The following RBFOX1 variants were observed in gnomAD, a reference collection of about 807,000 sequenced individuals.
The protein encoded by RBFOX1 is RNA binding fox-1 homolog 1, also known as RNA binding protein fox-1 homolog 1.
Under a neutral mutation model 57.7 loss-of-function variants are expected in RBFOX1, and 8 were observed. That is an observed-to-expected ratio of 0.14 (90% confidence interval 0.08 to 0.25). RBFOX1 has a LOEUF of 0.25. RBFOX1 is among the 10% of genes least tolerant of loss of function. The pLI is 1.00. For synonymous variants in RBFOX1, 326 were observed against 222.4 expected, an observed-to-expected ratio of 1.47 and a Z score of -4.15; for missense variants, 611 against 548.5, an observed-to-expected ratio of 1.11 and a Z score of -1.14.
At chr16:6,377,573 A>G (rs1241843214) in intron 2 of RBFOX1, among the ~76,000 whole-genome samples, 1 of 152,196 alleles carries the variant, frequency 6.6e-6, no homozygotes, top group Admixed American at 6.5e-5. Context: ...CATGCACTTC[A>G]GTGGAATTTG....
intron 11 of RBFOX1, among the ~76,000 whole-genome samples, chr16:7,636,908 G>A (rs575076645): frequency 6.6e-6 from 1 of 152,260 alleles, no homozygotes; most frequent in East Asian, 1.9e-4. Flanking sequence ...TGAATCTTAT[G>A]AAGGGCCCAC....
intron 1 of RBFOX1, among the ~76,000 whole-genome samples, chr16:6,199,715 T>A (rs1166298268): frequency 6.6e-6 from 1 of 152,152 alleles, no homozygotes; most frequent in Non-Finnish European, 1.5e-5. Flanking sequence ...GGGTAGCAGA[T>A]GAGTTTTATC....
intron 3 of RBFOX1, among the ~76,000 whole-genome samples, chr16:6,656,047 A>G (rs1274708606): frequency 6.6e-6 from 1 of 152,216 alleles, no homozygotes; most frequent in African/African-American, 2.4e-5. Flanking sequence ...TTTGCTGGCA[A>G]AGGAATTTCA....
intron 4 of RBFOX1, among the ~76,000 whole-genome samples, chr16:7,487,994 G>A (rs192624751): frequency 1.9e-3 from 283 of 152,224 alleles, no homozygotes; most frequent in African/African-American, 6.5e-3. Context: ...ACTCTGGAGC[G>A]TAGATTACAA....
chr16:5,401,248 G>A (rs189156992), intron 1 of RBFOX1, among the ~76,000 whole-genome samples: 34 of 152,290 alleles, frequency 2.2e-4, no homozygotes, highest in African/African-American at 8.2e-4. Context: ...TTCATTTTGT[G>A]TAGGTTTGAG....
chr16:5,298,131 C>T (rs79485957), intron 1 of RBFOX1, among the ~76,000 whole-genome samples: 2,876 of 152,228 alleles, frequency 0.019, 79 homozygotes, highest in African/African-American at 0.065. Flanking sequence ...GCAGCCACAC[C>T]TAAGTGCCCA....
At chr16:5,727,569 C>A (rs182164182) in intron 3 of RBFOX1, among the ~76,000 whole-genome samples, 1 of 152,136 alleles carries the variant, frequency 6.6e-6, no homozygotes, top group Non-Finnish European at 1.5e-5. Context: ...GATGTATATC[C>A]GGTCTCCAGA....
intron 2 of RBFOX1, among the ~76,000 whole-genome samples, chr16:6,632,793 C>A (rs949352798): frequency 6.6e-6 from 1 of 152,202 alleles, no homozygotes; most frequent in Non-Finnish European, 1.5e-5. Flanking sequence ...ACTTTATCAG[C>A]CTTGGCTCTT....
chr16:7,024,231 CAT>C (rs1284565933), intron 3 of RBFOX1, among the ~76,000 whole-genome samples: 1 of 152,162 alleles, frequency 6.6e-6, no homozygotes, highest in African/African-American at 2.4e-5. Context: ...CATTGGCACT[CAT>C]ATCGTGCTCT....
chr16:5,687,018 G>A (rs779115531), intron 3 of RBFOX1, among the ~76,000 whole-genome samples: 2 of 152,158 alleles, frequency 1.3e-5, no homozygotes, highest in African/African-American at 2.4e-5. Flanking sequence ...CCCATGCTGC[G>A]TTGGGATCTA....
intron 3 of RBFOX1, among the ~76,000 whole-genome samples, chr16:6,819,137 G>A (rs1027015258): frequency 2.0e-5 from 3 of 152,186 alleles, no homozygotes; most frequent in African/African-American, 2.4e-5. Flanking sequence ...GGCTATGGCA[G>A]TTTGTATCAT....
chr16:7,494,095 A>G lies in RBFOX1; in HGVS notation c.28-24052A>G, dbSNP rs373162812. On this transcript the variant is annotated intron_variant, in intron 4 of 15. Coordinates refer to ENST00000550418, the MANE Select transcript of RBFOX1 (RefSeq NM_018723.4). ...CTTAAACAGTATGTCATGAGTTAGC[A>G]ATGTCTAGTGGGGGAGCTATAATAG... Among the ~76,000 whole-genome samples the G allele has an allele frequency of 3.9e-4, 59 of 152,272 alleles. 1 individual carries two copies. Among genetic ancestry groups the G allele is most frequent in the African/African-American group, 1.4e-3 (58 of 41,558 alleles).
chr16:6,347,729 C>T (rs42426), intron 2 of RBFOX1, among the ~76,000 whole-genome samples: 33,500 of 152,146 alleles, frequency 0.22, 4,077 homozygotes, highest in Middle Eastern at 0.33. Flanking sequence ...TATCATAAGA[C>T]ACATTCACAG....
chr16:7,124,672 A>T (rs535113456), intron 4 of RBFOX1, among the ~76,000 whole-genome samples: 2 of 151,436 alleles, frequency 1.3e-5, no homozygotes, highest in African/African-American at 4.9e-5. Context: ...AAAAACGTGA[A>T]CCTCACAATA....
chr16:5,291,028 G>A (rs2063521222), intron 1 of RBFOX1, among the ~76,000 whole-genome samples: 1 of 152,150 alleles, frequency 6.6e-6, no homozygotes, highest in South Asian at 2.1e-4. Context: ...AGAAGTTTGT[G>A]TGGCTGAAGC....
At chr16:6,434,983 C>G (rs1356262256) in intron 2 of RBFOX1, among the ~76,000 whole-genome samples, 1 of 152,160 alleles carries the variant, frequency 6.6e-6, no homozygotes, top group Non-Finnish European at 1.5e-5. Flanking sequence ...CACAGCTGTT[C>G]CATTTATTAA....
At chr16:7,605,327 A>G (rs2095243085) in intron 9 of RBFOX1, among the ~76,000 whole-genome samples, 1 of 152,214 alleles carries the variant, frequency 6.6e-6, no homozygotes, top group Non-Finnish European at 1.5e-5. Flanking sequence ...GGGTGTCAGT[A>G]TGAAATTTCA....
chr16:7,308,589 T>C lies in RBFOX1; in HGVS notation c.28-209558T>C, dbSNP rs186158981. Among the ~76,000 whole-genome samples, 688 of 152,298 alleles carry C rather than the reference T, an allele frequency of 4.5e-3. 2 individuals are homozygous for C. The highest frequency in any genetic ancestry group is 0.016 in the African/African-American group (645 of 41,552). ...ACTTAATGATGATCCATGTGGTTTG[T>C]TTTAAGTAGTGAAGTGGTTTGTACA... On this transcript the variant is annotated intron_variant, in intron 4 of 15. Coordinates refer to ENST00000550418, the MANE Select transcript of RBFOX1 (RefSeq NM_018723.4).
chr16:5,305,575 C>A (rs905731996), intron 1 of RBFOX1, among the ~76,000 whole-genome samples: 3 of 152,142 alleles, frequency 2.0e-5, no homozygotes, highest in African/African-American at 7.2e-5. Context: ...TTTATCTAAT[C>A]TTCTCCATAT....
Sources: gnomAD v4.1 joint callset for allele counts (sites outside exome capture counted in the v4.1 genomes callset) on GRCh38, gnomAD v4.1.1 for gene constraint, MANE v1.5 for transcripts, NCBI Gene and HGNC (gene_info 2026-07-23, HGNC 2026-07-21) for gene names.